The following ANKRD24 variants were observed in gnomAD, a reference collection of about 807,000 sequenced individuals.
ANKRD24 encodes ankyrin repeat domain 24.
A neutral mutation model predicts 127.8 loss-of-function variants in ANKRD24; 109 were observed. That is an observed-to-expected ratio of 0.85 (90% confidence interval 0.73 to 1.00). The LOEUF is 1.00. Ranked by LOEUF, ANKRD24 falls within the 50% of genes least tolerant of loss-of-function variation. ANKRD24 has a pLI of 0.00. For missense variants in ANKRD24, 1,648 were observed against 1,570.2 expected, an observed-to-expected ratio of 1.05 and a Z score of -0.84; for synonymous variants, 743 against 671.1, an observed-to-expected ratio of 1.11 and a Z score of -1.66.
At position 4,212,338 on chromosome 19, in the gene ANKRD24, C is replaced by T. The variant is rs899243258; in HGVS notation, c.1060-137C>T. The T allele has an allele frequency of 6.0e-5, 59 of 976,360 alleles. 1 individual carries two copies. In the South Asian group the frequency reaches 6.5e-4, roughly 11 times the overall value. 60.5% of individuals were successfully genotyped at this position (976,360 alleles called of 1,614,324 possible). ...CAGGCACTCAATAGTAATGAGTGAG[C>T]GGGCAGAATTCAGTAGGTGCTGAAT... On this transcript the variant is annotated intron_variant, in intron 13 of 21. Coordinates refer to ENST00000318934, the MANE Select transcript of ANKRD24 (RefSeq NM_001393985.1).
At chr19:4,205,077 C>G (rs1256275786) in intron 7 of ANKRD24, among the ~76,000 whole-genome samples, 1 of 152,094 alleles carries the variant, frequency 6.6e-6, no homozygotes, top group African/African-American at 2.4e-5. Context: ...CTCTACTAAA[C>G]AATGCAAAAA....
At position 4,202,078 on chromosome 19, in the gene ANKRD24, G is replaced by T; in HGVS notation, c.396G>T (p.Lys132Asn). 1 of 1,613,796 alleles carries T rather than the reference G, an allele frequency of 6.2e-7. No individual in the cohort carries two copies. Among genetic ancestry groups the T allele is most frequent in the Non-Finnish European group, 8.5e-7 (1 of 1,179,792 alleles). ...AAKYGHPQCL[K>N]QLLQASCVVD... ...AATACGGGCACCCACAGTGCTTGAA[G>T]CAACTACTGCAGGTCATTTACTGTC... Residue 132 changes from lysine (K) to asparagine (N), a missense_variant, in exon 6 of 22, where the codon AAG (lysine) becomes AAT (asparagine). By Grantham distance (94) the Lys-to-Asn change is moderately conservative. Coordinates refer to ENST00000318934, the MANE Select transcript of ANKRD24 (RefSeq NM_001393985.1).
At position 4,222,165 on chromosome 19, in the gene ANKRD24, G is replaced by A. The variant is rs111347127; in HGVS notation, c.3172-505G>A. On this transcript the variant is annotated intron_variant, in intron 19 of 21. Coordinates refer to ENST00000318934, the MANE Select transcript of ANKRD24 (RefSeq NM_001393985.1). ...GCACTTTGGGAGGCCCAGGCAAGTG[G>A]ATCACCTGAGGTCAGGAGTTCAAGA... 4.6e-3 allele frequency among the ~76,000 whole-genome samples: 700 copies of A among 152,280 alleles called. 5 individuals are homozygous for A. Among genetic ancestry groups the A allele is most frequent in the African/African-American group, 0.016 (664 of 41,574 alleles).
intron 7 of ANKRD24, among the ~76,000 whole-genome samples, chr19:4,203,848 A>G (rs1318044678): frequency 2.0e-5 from 3 of 146,768 alleles, no homozygotes; most frequent in Non-Finnish European, 3.0e-5. Context: ...ATGGGGTTTC[A>G]CCATGTTGGC....
intron 8 of ANKRD24, 87 bp downstream of exon 8, chr19:4,207,399 T>C (rs1969452313): frequency 3.2e-6 from 5 of 1,578,086 alleles, no homozygotes; most frequent in Non-Finnish European, 4.4e-6. Context: ...CCTTTGAAAG[T>C]CTGAGAAAGT....
intron 1 of ANKRD24, among the ~76,000 whole-genome samples, chr19:4,183,820 T>C (rs1049968771): frequency 6.6e-6 from 1 of 151,934 alleles, no homozygotes; most frequent in Non-Finnish European, 1.5e-5. Flanking sequence ...GGCAGGAGAA[T>C]TGCTTGAACC....
At chr19:4,185,875 C>T (rs898562146) in intron 1 of ANKRD24, among the ~76,000 whole-genome samples, 1 of 152,062 alleles carries the variant, frequency 6.6e-6, no homozygotes, top group African/African-American at 2.4e-5. Context: ...CCAGGGTAGG[C>T]GGGAACCCAA....
Position 4,224,412 on chromosome 19 carries a change from A to G in ANKRD24, c.3364-16A>G, listed in dbSNP as rs375634788. Reference sequence around the variant, plus strand: ...GAGGGTATACTCAGGGTCTTCCTCTACTCCCCCAACCCTAGGGCCAGATGG... The same window carrying G: ...GAGGGTATACTCAGGGTCTTCCTCTGCTCCCCCAACCCTAGGGCCAGATGG... On this transcript the variant is annotated splice_polypyrimidine_tract_variant and intron_variant, in intron 21 of 21. Coordinates refer to ENST00000318934, the MANE Select transcript of ANKRD24 (RefSeq NM_001393985.1). The G allele has an allele frequency of 6.2e-7, 1 of 1,611,170 alleles. No individual in the cohort carries two copies. Among genetic ancestry groups the G allele is most frequent in the African/African-American group, 1.3e-5 (1 of 74,546 alleles).
At chr19:4,216,186 G>T in intron 16 of ANKRD24, 98 bp from the exon 17 acceptor site, 1 of 1,410,886 alleles carries the variant, frequency 7.1e-7, no homozygotes, top group Non-Finnish European at 9.7e-7. Flanking sequence ...CTGCTTGGCT[G>T]AGCCTGCCCT....
chr19:4,197,337 C>T (rs542049013), intron 2 of ANKRD24, among the ~76,000 whole-genome samples: 1 of 151,324 alleles, frequency 6.6e-6, no homozygotes, highest in Non-Finnish European at 1.5e-5. Flanking sequence ...AACGAATGGG[C>T]GTGCCAATGA....
In ANKRD24 at chr19:4,222,813, C is replaced by T; in HGVS notation, c.3297+18C>T. Reference sequence around the variant, plus strand: ...AGCTGCAGGTAAGGACTGGGCCACGCAGGGGCCAGGGGACCATCAGGGTGG... The same window carrying T: ...AGCTGCAGGTAAGGACTGGGCCACGTAGGGGCCAGGGGACCATCAGGGTGG... On this transcript the variant is annotated intron_variant, in intron 20 of 21. Coordinates refer to ENST00000318934, the MANE Select transcript of ANKRD24 (RefSeq NM_001393985.1). 2 of 1,583,060 alleles carry T rather than the reference C, an allele frequency of 1.3e-6. No homozygotes were observed. Among genetic ancestry groups the T allele is most frequent in the Non-Finnish European group, 1.7e-6 (2 of 1,159,670 alleles).
At chr19:4,190,332 G>A (rs1968314596) in intron 2 of ANKRD24, among the ~76,000 whole-genome samples, 1 of 152,020 alleles carries the variant, frequency 6.6e-6, no homozygotes, top group African/African-American at 2.4e-5. Flanking sequence ...CTACTCGGGA[G>A]GCTGAGGCAT....
Position 4,224,575 on chromosome 19 carries a change from C to A in ANKRD24, c.*70C>A. ...ACCTCACCCCCCTGCAGGCCCCTTG[C>A]AGACCGGCTTCACTTGGCTTCACTT... On this transcript the variant is annotated 3_prime_UTR_variant, in exon 22 of 22. Transcript: ENST00000318934. The A allele has an allele frequency of 7.0e-7, 1 of 1,436,030 alleles. No individual in the cohort carries two copies. The highest frequency in any genetic ancestry group is 9.6e-7 in the Non-Finnish European group (1 of 1,043,860). The allele number at this position is 1,436,030 out of a possible 1,614,324, so 89.0% of individuals were successfully genotyped here. A position where few individuals can be genotyped will look rare whatever the true frequency, so the allele number is the denominator to read the frequency against.
chr19:4,206,300 G>A (rs567528936), intron 7 of ANKRD24, among the ~76,000 whole-genome samples: 49 of 151,666 alleles, frequency 3.2e-4, no homozygotes, highest in African/African-American at 1.1e-3. Context: ...TTTGAGACCA[G>A]CCTGGGCAAT....
In ANKRD24 at chr19:4,224,183, T is replaced by C. The variant is rs1367518888; in HGVS notation, c.3354T>C (p.Tyr1118=). The C allele has an allele frequency of 6.2e-7, 1 of 1,611,596 alleles. No individual in the cohort carries two copies. The highest frequency in any genetic ancestry group is 2.2e-5 in the East Asian group (1 of 44,838). ...CTTTGTACAGAAGCCACCTCCTATA[T>C]GCCATTCAGGTGAGTGGCCCAGCTC... ...VVALYRSHLL[Y]AIQGQMDEDV... is the part of the protein sequence containing the mutation. Residue 1118 remains tyrosine, a synonymous_variant, in exon 21 of 22, where the codon TAT becomes TAC. Coordinates refer to ENST00000318934, the MANE Select transcript of ANKRD24 (RefSeq NM_001393985.1).
rs1967797767 is a variant in ANKRD24 at position 4,182,749 on chromosome 19, G to A, written c.-37+9G>A. The stretch of plus-strand genomic sequence containing the variant: ...TGCCTCTTTGCATGCAGGTGTTTGC[G>A]GGGCTTGGGAAGGGGCTCCCCGATG... On this transcript the variant is annotated intron_variant, in intron 1 of 21. Coordinates refer to ENST00000318934, the MANE Select transcript of ANKRD24 (RefSeq NM_001393985.1). The A allele has an allele frequency of 7.2e-7, 1 of 1,393,380 alleles. No individual in the cohort carries two copies. The highest frequency in any genetic ancestry group is 9.3e-7 in the Non-Finnish European group (1 of 1,072,718). 86.3% of individuals were successfully genotyped at this position (1,393,380 alleles called of 1,614,324 possible).
intron 7 of ANKRD24, 73 bp downstream of exon 7, chr19:4,202,999 G>T: frequency 4.5e-6 from 6 of 1,323,214 alleles, no homozygotes; most frequent in Non-Finnish European, 5.1e-6. Flanking sequence ...TCTGCCCAGG[G>T]CCCTAGGGAC....
At position 4,224,417 on chromosome 19, in the gene ANKRD24, C is replaced by G. The variant is rs747690196; in HGVS notation, c.3364-11C>G. ...TATACTCAGGGTCTTCCTCTACTCC[C>G]CCAACCCTAGGGCCAGATGGATGAA... On this transcript the variant is annotated splice_polypyrimidine_tract_variant and intron_variant, in intron 21 of 21. Transcript: ENST00000318934. 3.7e-6 allele frequency: 6 copies of G among 1,612,784 alleles called. No individual in the cohort carries two copies. The Admixed American group carries it at 1.0e-4, about 27-fold the overall frequency.
In ANKRD24 at chr19:4,217,152, C is replaced by G; in HGVS notation, c.1992C>G (p.Pro664=). ...GAGTGGGTGCTGGGCAAGCAGAGCC[C>G]CCAGTCACAGGGACCACAAACATGG... ...AYGVGAGQAE[P]PVTGTTNMEA... Residue 664 remains proline (P), a synonymous_variant, in exon 18 of 22, where the codon CCC becomes CCG. Transcript: ENST00000318934. The G allele has an allele frequency of 6.2e-7, 1 of 1,613,252 alleles. No homozygotes were observed.
Sources: gnomAD v4.1 joint callset for allele counts (sites outside exome capture counted in the v4.1 genomes callset) on GRCh38, gnomAD v4.1.1 for gene constraint, MANE v1.5 for transcripts, NCBI Gene and HGNC (gene_info 2026-07-23, HGNC 2026-07-21) for gene names.